Variants in LHFPL3 observed in about 807,000 individuals in gnomAD.
LHFPL3 encodes the protein LHFPL tetraspan subfamily member 3 protein.
A neutral mutation model predicts 19.3 loss-of-function variants in LHFPL3; 5 were observed. The ratio of observed to expected loss-of-function variants is 0.26; its 90% CI spans 0.14 to 0.54. LHFPL3 has a LOEUF of 0.54. Among genes scored for constraint, LHFPL3 ranks in the 20% least tolerant of loss-of-function variants. The probability of loss-of-function intolerance (pLI) is 0.94; values close to 1 mark genes in which losing one functional copy is unlikely to be tolerated. For synonymous variants in LHFPL3, 133 were observed against 126.2 expected (o/e 1.05, Z -0.36); for missense variants, 249 against 307.4 (o/e 0.81, Z 1.42).
chr7:104,335,837 C>A (rs1789797244), intron 1 of LHFPL3, among the ~76,000 whole-genome samples: 1 of 135,568 alleles, frequency 7.4e-6, no homozygotes, highest in Admixed American at 8.0e-5. Context: ...CCTCAGAAAT[C>A]TTTCAAAGGG....
intron 2 of LHFPL3, among the ~76,000 whole-genome samples, chr7:104,856,821 T>C (rs1370582320): frequency 1.3e-5 from 2 of 152,230 alleles, no homozygotes; most frequent in Non-Finnish European, 1.5e-5. Context: ...TAAGGTGTAT[T>C]ATGACCTGGA....
intron 1 of LHFPL3, among the ~76,000 whole-genome samples, chr7:104,582,416 AAC>A (rs1790477229): frequency 6.6e-6 from 1 of 152,014 alleles, no homozygotes. Context: ...TGTAAATAGA[AAC>A]AGTTTTCCCC....
chr7:104,387,842 A>T (rs1790980361), intron 1 of LHFPL3, among the ~76,000 whole-genome samples: 1 of 152,164 alleles, frequency 6.6e-6, no homozygotes, highest in Non-Finnish European at 1.5e-5. Context: ...TTTGCCATAT[A>T]GGTAAATTGT....
chr7:104,766,794 A>G (rs1045960762), intron 2 of LHFPL3, among the ~76,000 whole-genome samples: 6 of 152,064 alleles, frequency 3.9e-5, no homozygotes, highest in Admixed American at 1.3e-4. Context: ...CACTCCCATT[A>G]TTTTTCTCGT....
intron 1 of LHFPL3, among the ~76,000 whole-genome samples, chr7:104,385,863 A>G (rs1049930702): frequency 2.6e-5 from 4 of 152,184 alleles, no homozygotes; most frequent in Admixed American, 6.5e-5. Context: ...AAAGGTCTGA[A>G]AAAAGAAAGC....
At position 104,843,016 on chromosome 7, in the gene LHFPL3, T is replaced by C. The variant is rs551984243; in HGVS notation, c.683-63171T>C. On this transcript the variant is annotated intron_variant, in intron 2 of 2. Coordinates refer to ENST00000424859, the MANE Select transcript of LHFPL3 (RefSeq NM_199000.3). ...GTGTCCTTGAAACAGTACCTCTGAT[T>C]GGAAAGATCTAAGACCATGTCTTTA... 4.6e-5 allele frequency among the ~76,000 whole-genome samples: 7 copies of C among 152,282 alleles called. No homozygotes were observed. In the East Asian group the frequency reaches 1.4e-3, roughly 29 times the overall value.
In LHFPL3 at chr7:104,365,530, C is replaced by G. The variant is rs1297152147; in HGVS notation, c.445+36306C>G. On this transcript the variant is annotated intron_variant, in intron 1 of 2. Coordinates refer to ENST00000424859, the MANE Select transcript of LHFPL3 (RefSeq NM_199000.3). The stretch of plus-strand genomic sequence containing the variant: ...GGCGCGGTGGCTCACGCCTGTAATC[C>G]CAGCACTTTGGGAGGCCGAGGCGGG... 4.6e-5 allele frequency among the ~76,000 whole-genome samples: 7 copies of G among 151,296 alleles called. No individual in the cohort carries two copies. In the East Asian group the frequency reaches 1.4e-3, roughly 30 times the overall value.
intron 1 of LHFPL3, among the ~76,000 whole-genome samples, chr7:104,584,633 A>T (rs1790530043): frequency 6.6e-6 from 1 of 152,154 alleles, no homozygotes; most frequent in African/African-American, 2.4e-5. Flanking sequence ...ATCAAACTAG[A>T]AGACTAACCA....
chr7:104,587,458 T>G (rs950723461), intron 1 of LHFPL3, among the ~76,000 whole-genome samples: 9 of 152,234 alleles, frequency 5.9e-5, no homozygotes, highest in African/African-American at 2.2e-4. Flanking sequence ...CTCATCATTT[T>G]TTATGGCTGC....
chr7:104,495,052 C>T (rs1793434108), intron 1 of LHFPL3, among the ~76,000 whole-genome samples: 1 of 152,182 alleles, frequency 6.6e-6, no homozygotes, highest in African/African-American at 2.4e-5. Flanking sequence ...ACCAAGATTA[C>T]AGTTGGTTTC....
intron 1 of LHFPL3, among the ~76,000 whole-genome samples, chr7:104,718,835 T>C (rs1487976400): frequency 6.6e-6 from 1 of 152,050 alleles, no homozygotes; most frequent in Non-Finnish European, 1.5e-5. Flanking sequence ...CACAAAGTGG[T>C]AGTCTAGAGG....
At chr7:104,555,772 C>T (rs1794751950) in intron 1 of LHFPL3, among the ~76,000 whole-genome samples, 1 of 152,204 alleles carries the variant, frequency 6.6e-6, no homozygotes, top group Non-Finnish European at 1.5e-5. Flanking sequence ...CAGAAATCCA[C>T]AGTCCAACAT....
chr7:104,826,517 G>A (rs4073894), intron 2 of LHFPL3: 27,309 of 161,208 alleles, frequency 0.17, 2,584 homozygotes, highest in Middle Eastern at 0.22. Flanking sequence ...TGAAAGTAAC[G>A]ATAAGAACAG....
chr7:104,744,017 C>CT (rs77924373), intron 2 of LHFPL3: 3,930 of 136,962 alleles, frequency 0.029, 48 homozygotes, highest in Middle Eastern at 0.059. Context: ...TTTTTTGGTA[C>CT]TTTTTTTTTT....
chr7:104,424,238 T>C (rs6979253), intron 1 of LHFPL3, among the ~76,000 whole-genome samples: 37,659 of 152,128 alleles, frequency 0.25, 5,852 homozygotes, highest in African/African-American at 0.41. Context: ...TTGACTTGTC[T>C]CTTGATAGGC....
At chr7:104,367,034 T>A (rs1168682803) in intron 1 of LHFPL3, among the ~76,000 whole-genome samples, 1 of 152,214 alleles carries the variant, frequency 6.6e-6, no homozygotes, top group African/African-American at 2.4e-5. Flanking sequence ...GAAGCATGTT[T>A]TCTAAATGTA....
chr7:104,580,120 TACTC>T (rs1195701480), intron 1 of LHFPL3, among the ~76,000 whole-genome samples: 1 of 152,172 alleles, frequency 6.6e-6, no homozygotes, highest in African/African-American at 2.4e-5. Context: ...GAAATTAAAA[TACTC>T]ACTCATCTTT....
intron 1 of LHFPL3, among the ~76,000 whole-genome samples, chr7:104,510,910 G>A (rs148632959): frequency 2.0e-5 from 3 of 152,130 alleles, no homozygotes; most frequent in Non-Finnish European, 2.9e-5. Context: ...AGAGTGGAGG[G>A]TGGGAGGAGG....
At chr7:104,481,261 G>A (rs1479017557) in intron 1 of LHFPL3, among the ~76,000 whole-genome samples, 4 of 152,192 alleles carry the variant, frequency 2.6e-5, no homozygotes, top group East Asian at 3.9e-4. Context: ...TCTCACTCCC[G>A]AAAACCCATC....
Sources: allele counts gnomAD v4.1 joint callset (sites outside exome capture counted in the v4.1 genomes callset), GRCh38; gene constraint gnomAD v4.1.1; transcripts MANE v1.5; gene names NCBI Gene and HGNC (gene_info 2026-07-23, HGNC 2026-07-21).